Variants in MYBPC1 observed in about 807,000 individuals in gnomAD.
The protein encoded by MYBPC1 is myosin-binding protein C, slow-type.
Under a neutral mutation model 147.1 loss-of-function variants are expected in MYBPC1, and 52 were observed. The observed-to-expected ratio is 0.35, with a 90% CI of 0.28 to 0.45. The LOEUF (loss-of-function observed/expected upper bound fraction) is 0.45. MYBPC1 is among the 20% of genes least tolerant of loss of function. The pLI is 1.00. For missense variants in MYBPC1, 1,228 were observed against 1,440.3 expected (o/e 0.85, Z 2.39); for synonymous variants, 477 against 475.9 (o/e 1.00, Z -0.03).
At chr12:101,597,868 G>A (rs1353251704) in intron 1 of MYBPC1, among the ~76,000 whole-genome samples, 1 of 152,110 alleles carries the variant, frequency 6.6e-6, no homozygotes, top group African/African-American at 2.4e-5. Context: ...CGATCAAATT[G>A]GGAGGATGTT....
chr12:101,621,506 T>A (rs1887387615), intron 3 of MYBPC1, among the ~76,000 whole-genome samples: 2 of 152,222 alleles, frequency 1.3e-5, no homozygotes, highest in Non-Finnish European at 1.5e-5. Flanking sequence ...ATTGCTGTTG[T>A]TATTTTGGTC....
At position 101,646,811 on chromosome 12, in the gene MYBPC1, C is replaced by G. The variant is rs1893254089; in HGVS notation, c.1014C>G (p.Asn338Lys). 1 of 1,613,386 alleles carries G rather than the reference C, an allele frequency of 6.2e-7. No homozygotes were observed. Among genetic ancestry groups the G allele is most frequent in the Non-Finnish European group, 8.5e-7 (1 of 1,179,274 alleles). Residue 338 changes from asparagine to lysine, a missense_variant, in exon 13 of 32, where the codon AAC becomes AAG. Around this residue, in one of 2 missense-constraint regions of MYBPC1, gnomAD observed 1,077 missense variants for 1,314.2 expected, o/e 0.82. Coordinates refer to ENST00000361466, the MANE Select transcript of MYBPC1 (RefSeq NM_002465.4). ...KGCQRILFIN[N>K]CQMTDDSEYY... ...GCCAGAGAATCCTGTTTATCAATAA[C>G]TGTCAGATGACAGATGATTCAGAGT...
downstream of MYBPC1, among the ~76,000 whole-genome samples, chr12:101,688,711 G>A (rs1020792725): frequency 2.0e-5 from 3 of 151,670 alleles, no homozygotes; most frequent in Non-Finnish European, 4.4e-5. Context: ...CTGTAATCCC[G>A]GCACTTTGGG....
chr12:101,661,431 G>A (rs907367325), intron 20 of MYBPC1, among the ~76,000 whole-genome samples, 169 bp downstream of exon 20: 2 of 152,090 alleles, frequency 1.3e-5, no homozygotes, highest in Non-Finnish European at 2.9e-5. Context: ...GTAATTACTC[G>A]AGATTTAAAT....
the MYBPC1 span, among the ~76,000 whole-genome samples, chr12:101,692,804 G>A: frequency 6.6e-6 from 1 of 152,008 alleles, no homozygotes; most frequent in Non-Finnish European, 1.5e-5. Context: ...GTTAGAGTGG[G>A]GTAAGGTAGA....
intron 28 of MYBPC1, among the ~76,000 whole-genome samples, chr12:101,678,465 C>T (rs1295453637): frequency 6.6e-6 from 1 of 152,186 alleles, no homozygotes; most frequent in Non-Finnish European, 1.5e-5. Flanking sequence ...AGCAAACCAC[C>T]TATTTAAAAA....
At position 101,663,346 on chromosome 12, in the gene MYBPC1, C is replaced by T. The variant is rs1387436906; in HGVS notation, c.2222-80C>T. ...CTTTTGTGTCTATTTTTATTTGTAT[C>T]CCCATTGGTTTTATCACAGTTCCTG... On this transcript the variant is annotated intron_variant, in intron 21 of 31. Transcript: ENST00000361466. 3.3e-6 allele frequency: 4 copies of T among 1,223,984 alleles called. No homozygotes were observed. The African/African-American group carries it at 4.4e-5, about 14-fold the overall frequency. The allele number at this position is 1,223,984 out of a possible 1,614,324, so 75.8% of individuals were successfully genotyped here.
chr12:101,653,641 A>T (rs1003920186), intron 18 of MYBPC1, among the ~76,000 whole-genome samples: 5 of 152,196 alleles, frequency 3.3e-5, no homozygotes, highest in African/African-American at 1.2e-4. Flanking sequence ...TGCATAGTCA[A>T]TGGCAGCCTC....
At chr12:101,670,568 A>C (rs1389269404) in intron 24 of MYBPC1, among the ~76,000 whole-genome samples, 159 bp downstream of exon 24, 2 of 152,216 alleles carry the variant, frequency 1.3e-5, no homozygotes, top group African/African-American at 4.8e-5. Flanking sequence ...ATGATTAAGC[A>C]ATCTCCTGCT....
chr12:101,610,877 T>C (rs1051850806), intron 1 of MYBPC1, among the ~76,000 whole-genome samples: 9 of 151,938 alleles, frequency 5.9e-5, no homozygotes, highest in Non-Finnish European at 1.2e-4. Flanking sequence ...AGGCTCTGAG[T>C]CAAGCAAGCC....
At chr12:101,647,147 A>AT in intron 13 of MYBPC1, 1 of 463,766 alleles carries the variant, frequency 2.2e-6, no homozygotes, top group South Asian at 2.1e-5. Context: ...AACCCAACAG[A>AT]TTTTACTGGA....
chr12:101,681,156 A>T lies in MYBPC1; in HGVS notation c.3433+627A>T, dbSNP rs575994363. Among the ~76,000 whole-genome samples, 9 of 152,282 alleles carry T rather than the reference A, an allele frequency of 5.9e-5. No homozygotes were observed. The South Asian group carries it at 1.9e-3, about 32-fold the overall frequency. On this transcript the variant is annotated intron_variant, in intron 29 of 31. Transcript: ENST00000361466. ...AGCAACTAATGTAAACCAAGAAAAC[A>T]CATAAGGATTTATGCGGTTGAAAAG... is the stretch of plus-strand genomic sequence containing the variant.
At position 101,678,087 on chromosome 12, in the gene MYBPC1, A is replaced by C. The variant is rs765052709; in HGVS notation, c.3110-15A>C. The C allele has an allele frequency of 5.0e-6, 8 of 1,609,630 alleles. No individual in the cohort carries two copies. Among genetic ancestry groups the C allele is most frequent in the East Asian group, 4.5e-5 (2 of 44,852 alleles). On this transcript the variant is annotated splice_polypyrimidine_tract_variant and intron_variant, in intron 27 of 31. Coordinates refer to ENST00000361466, the MANE Select transcript of MYBPC1 (RefSeq NM_002465.4). ...TTTACATAATTTTAACATATTTGTA[A>C]TGCTTGTTTTTAAGGTAAAATCTAC...
chr12:101,663,896 A>G (rs1353679512), intron 22 of MYBPC1, among the ~76,000 whole-genome samples: 2 of 152,248 alleles, frequency 1.3e-5, no homozygotes, highest in Non-Finnish European at 2.9e-5. Flanking sequence ...AAGTCTAGTT[A>G]TGATGAAGCC....
At chr12:101,633,682 G>A (rs111296073) in intron 8 of MYBPC1, among the ~76,000 whole-genome samples, 2,697 of 148,968 alleles carry the variant, frequency 0.018, 92 homozygotes, top group African/African-American at 0.063. Flanking sequence ...GTGAGACTCC[G>A]TCTCAACAAA....
chr12:101,675,242 G>A (rs1354220085), intron 25 of MYBPC1, 50 bp from the exon 26 acceptor site: 1 of 1,609,920 alleles, frequency 6.2e-7, no homozygotes, highest in East Asian at 2.2e-5. Flanking sequence ...ACAAAATGTA[G>A]ACTGGGAAAG....
At chr12:101,608,986 G>A (rs1883289677) in intron 1 of MYBPC1, among the ~76,000 whole-genome samples, 1 of 152,096 alleles carries the variant, frequency 6.6e-6, no homozygotes, top group Non-Finnish European at 1.5e-5. Flanking sequence ...TGGCAGCAAG[G>A]AGAAGCGGCT....
In MYBPC1 at chr12:101,673,209, T is replaced by C. The variant is rs552467666; in HGVS notation, c.2614-218T>C. Among the ~76,000 whole-genome samples, 45 of 152,284 alleles carry C rather than the reference T, an allele frequency of 3.0e-4. No homozygotes were observed. The South Asian group carries it at 8.1e-3, about 27-fold the overall frequency. On this transcript the variant is annotated intron_variant, in intron 24 of 31. Transcript: ENST00000361466. Reference sequence around the variant, plus strand: ...GATAATGATAAGCTTGATGTGAAGATTAAGGAAAATAATCAATGTTATGTA... The same window carrying C: ...GATAATGATAAGCTTGATGTGAAGACTAAGGAAAATAATCAATGTTATGTA...
rs1368312498 is a variant in MYBPC1 at position 101,649,371 on chromosome 12, A to G, written c.1308A>G (p.Ala436=). The change falls in exon 15 of 32, where the codon GCA becomes GCG. Residue 436 remains alanine, a synonymous_variant. Transcript: ENST00000361466. ...AGGGAGCAACAAAGGCTGATGCTGCAGAATATTCAGTAATGACAACAGGAG... is the reference window on the plus strand; with the variant it reads ...AGGGAGCAACAAAGGCTGATGCTGCGGAATATTCAGTAATGACAACAGGAG... The part of the protein sequence containing the change: ...IIEGATKADA[A]EYSVMTTGGQ... 5 of 1,614,018 alleles carry G rather than the reference A, an allele frequency of 3.1e-6. 1 individual carries two copies. In the African/African-American group the frequency reaches 4.0e-5, roughly 13 times the overall value.
Sources: gnomAD v4.1 joint callset for allele counts (sites outside exome capture counted in the v4.1 genomes callset) on GRCh38, gnomAD v4.1.1 for gene constraint, gnomAD v4.1.1 regional missense constraint, MANE v1.5 for transcripts, NCBI Gene and HGNC (gene_info 2026-07-23, HGNC 2026-07-21) for gene names.